Variants in ARID1B observed in about 807,000 individuals in gnomAD.
ARID1B encodes the protein AT-rich interaction domain 1B.
Under a neutral mutation model 212.3 loss-of-function variants are expected in ARID1B, and 30 were observed. The observed-to-expected ratio is 0.14, with a 90% CI of 0.11 to 0.19. The LOEUF is 0.19. Ranked by LOEUF, ARID1B falls within the 10% of genes least tolerant of loss-of-function variation. The pLI is 1.00. For synonymous variants in ARID1B, 1,402 were observed against 1,301.7 expected (o/e 1.08, Z -1.66); for missense variants, 2,891 against 3,204.0 (o/e 0.90, Z 2.36).
chr6:156,977,146 T>C (rs999493293), intron 4 of ARID1B: 11 of 247,920 alleles, frequency 4.4e-5, no homozygotes, highest in Non-Finnish European at 8.6e-5. Flanking sequence ...AATTTAATTA[T>C]GATGGGACTG....
chr6:157,118,996 C>T (rs766857290), intron 6 of ARID1B, among the ~76,000 whole-genome samples: 8 of 152,178 alleles, frequency 5.3e-5, no homozygotes, highest in Non-Finnish European at 1.2e-4. Flanking sequence ...TAGGTAAATT[C>T]ATGGATTTAT....
intron 12 of ARID1B, among the ~76,000 whole-genome samples, chr6:157,183,586 C>T (rs1007042566): frequency 6.6e-6 from 1 of 152,224 alleles, no homozygotes; most frequent in Non-Finnish European, 1.5e-5. Context: ...CAGGAGTTCT[C>T]TTTCTTTCTC....
chr6:156,902,735 C>CAAAAAAAAAAAAAAAAAAAAAAAAAAAAA (rs869259426), intron 3 of ARID1B, among the ~76,000 whole-genome samples: 1 of 61,682 alleles, frequency 1.6e-5, no homozygotes, highest in African/African-American at 5.2e-5. Flanking sequence ...GACTCTGTCT[C>CAAAAAAAAAAAAAAAAAAAAAAAAAAAAA]AAAAAAAAAA....
intron 4 of ARID1B, among the ~76,000 whole-genome samples, chr6:156,945,111 T>A (rs1304605153): frequency 1.3e-5 from 2 of 149,258 alleles, no homozygotes; most frequent in Non-Finnish European, 3.0e-5. Flanking sequence ...ATTTTTTTTT[T>A]TTTTTAGTAG....
rs1208883079 is a variant in ARID1B, at chr6:157,018,212, C to CTTTTTTTTTTTTTTTTT, written c.2248-66444_2248-66428dup. Reference sequence around the variant, plus strand: ...GAATGTCTAAACAAAAAGTAGTATGCTTTTTTTTTTTTTTTTTTTTTTGAG... The same window carrying CTTTTTTTTTTTTTTTTT: ...GAATGTCTAAACAAAAAGTAGTATGCTTTTTTTTTTTTTTTTTTTTTTTTTTTTTTTTTTTTTTTGAG... On this transcript the variant is annotated intron_variant, in intron 4 of 19. Transcript: ENST00000636930. Among the ~76,000 whole-genome samples, 23 of 72,458 alleles carry CTTTTTTTTTTTTTTTTT rather than the reference C, an allele frequency of 3.2e-4. 6 individuals are homozygous for CTTTTTTTTTTTTTTTTT. Among genetic ancestry groups the CTTTTTTTTTTTTTTTTT allele is most frequent in the African/African-American group, 1.5e-3 (23 of 15,450 alleles). 47.5% of individuals were successfully genotyped at this position (72,458 alleles called of 152,430 possible). A position where few individuals can be genotyped will look rare whatever the true frequency, so the allele number is the denominator to read the frequency against.
chr6:156,778,301 GCAGCAGCAGCAGCAA>G lies in ARID1B; in HGVS notation c.627_641del (p.Gln210_Gln214del). On this transcript the variant is annotated inframe_deletion, in exon 1 of 20. Coordinates refer to ENST00000636930, the MANE Select transcript of ARID1B (RefSeq NM_001374828.1). ...AGCAGCAGCAGCAGCAACAGCAGCA[GCAGCAGCAGCAGCAA>G]CAGCAACATCCCATTTCCAACAACA... is the stretch of plus-strand genomic sequence containing the variant. 1.9e-6 allele frequency: 3 copies of G among 1,544,140 alleles called. No homozygotes were observed. In the East Asian group the frequency reaches 7.3e-5, roughly 38 times the overall value.
chr6:156,815,792 A>G (rs557792313), intron 1 of ARID1B, among the ~76,000 whole-genome samples: 1 of 152,296 alleles, frequency 6.6e-6, no homozygotes, highest in Non-Finnish European at 1.5e-5. Flanking sequence ...GGTAAGCTCT[A>G]TCTATCTTTA....
chr6:156,934,961 T>TATATATATAA (rs1235681331), intron 3 of ARID1B, among the ~76,000 whole-genome samples: 2 of 90,462 alleles, frequency 2.2e-5, no homozygotes, highest in African/African-American at 4.4e-5. Context: ...TATATATATA[T>TATATATATAA]AGTTTATATT....
At chr6:156,923,469 C>G (rs1475399568) in intron 3 of ARID1B, among the ~76,000 whole-genome samples, 1 of 152,130 alleles carries the variant, frequency 6.6e-6, no homozygotes, top group African/African-American at 2.4e-5. Context: ...CCCATCCCTT[C>G]TCCACCACTT....
intron 13 of ARID1B, chr6:157,186,668 T>A (rs1792998290): frequency 2.6e-6 from 1 of 381,402 alleles, no homozygotes; most frequent in Non-Finnish European, 5.4e-6. Context: ...AAACACAAAT[T>A]TACGGTAAAA....
intron 2 of ARID1B, chr6:156,871,765 T>C (rs920819550): frequency 1.6e-6 from 2 of 1,285,826 alleles, no homozygotes; most frequent in Admixed American, 2.0e-5. Flanking sequence ...AGGGGCTTCT[T>C]AGATGGGAGG....
intron 4 of ARID1B, among the ~76,000 whole-genome samples, chr6:156,984,427 G>A (rs1283857728): frequency 6.6e-6 from 1 of 152,192 alleles, no homozygotes; most frequent in Non-Finnish European, 1.5e-5. Flanking sequence ...GAAAAAAAGG[G>A]CGTTCTGGAT....
chr6:157,017,286 T>A (rs1779966673), intron 4 of ARID1B, among the ~76,000 whole-genome samples: 1 of 152,202 alleles, frequency 6.6e-6, no homozygotes. Flanking sequence ...AAAGCCACAT[T>A]ATTGATTAGG....
At chr6:157,052,144 T>A (rs986909275) in intron 4 of ARID1B, among the ~76,000 whole-genome samples, 2 of 152,184 alleles carry the variant, frequency 1.3e-5, no homozygotes, top group Admixed American at 1.3e-4. Flanking sequence ...TATTTTGTCT[T>A]GTAGGTGAAG....
intron 1 of ARID1B, among the ~76,000 whole-genome samples, chr6:156,782,780 G>A (rs1779367630): frequency 6.6e-6 from 1 of 152,094 alleles, no homozygotes; most frequent in Non-Finnish European, 1.5e-5. Context: ...GGATGGCTGT[G>A]TATAGTTAGA....
At chr6:157,018,404 C>G (rs2128467901) in intron 4 of ARID1B, among the ~76,000 whole-genome samples, 1 of 152,016 alleles carries the variant, frequency 6.6e-6, no homozygotes, top group Middle Eastern at 3.4e-3. Flanking sequence ...TTAGTAGAGA[C>G]AGAGTTTCAC....
intron 1 of ARID1B, among the ~76,000 whole-genome samples, chr6:156,826,462 T>G (rs1007456346): frequency 6.6e-6 from 1 of 152,244 alleles, no homozygotes; most frequent in African/African-American, 2.4e-5. Context: ...ATCCTTCTGC[T>G]TCCAGTGTTG....
chr6:157,140,576 A>G (rs1198854664), intron 7 of ARID1B: 2 of 398,508 alleles, frequency 5.0e-6, no homozygotes. Context: ...CAGCAACCAC[A>G]TGAGACAGAG....
intron 6 of ARID1B, among the ~76,000 whole-genome samples, chr6:157,115,557 G>A (rs1476357893): frequency 6.6e-6 from 1 of 152,138 alleles, no homozygotes; most frequent in Non-Finnish European, 1.5e-5. Context: ...CTCCCGAGTA[G>A]CTGGGACTAC....
Sources: gnomAD v4.1 joint callset for allele counts (sites outside exome capture counted in the v4.1 genomes callset) on GRCh38, gnomAD v4.1.1 for gene constraint, MANE v1.5 for transcripts, NCBI Gene and HGNC (gene_info 2026-07-23, HGNC 2026-07-21) for gene names.